Variants in CTSB observed in about 807,000 individuals in gnomAD.
The protein encoded by CTSB is APP secretase.
Under a neutral mutation model 44.3 loss-of-function variants are expected in CTSB, and 57 were observed. The observed-to-expected ratio is 1.29, with a 90% CI of 1.04 to 1.60. CTSB has a LOEUF of 1.60. CTSB is among the 40% of genes most tolerant of loss of function. The probability of loss-of-function intolerance (pLI) is 0.00; values close to 1 mark genes in which losing one functional copy is unlikely to be tolerated. For synonymous variants in CTSB, 320 were observed against 168.0 expected (o/e 1.91, Z -7.00); for missense variants, 768 against 443.0 (o/e 1.73, Z -6.59).
At chr8:11,848,025 A>G in intron 6 of CTSB, 42 bp downstream of exon 6, 3 of 1,509,100 alleles carry the variant, frequency 2.0e-6, no homozygotes, top group Non-Finnish European at 2.7e-6. Flanking sequence ...AATTGCTCAA[A>G]CAATCCATCT....
rs1343529820 is a variant in CTSB at position 11,844,988 on chromosome 8, G to A, written c.*137C>T. On this transcript the variant is annotated 3_prime_UTR_variant, in exon 10 of 10. Coordinates refer to ENST00000353047, the MANE Select transcript of CTSB (RefSeq NM_001908.5). ...GATGTAGCCAGGACTTGGTCTCCTTGGAAGACAGGTCTGATGTTTGGCCAA... is the reference window on the plus strand; with the variant it reads ...GATGTAGCCAGGACTTGGTCTCCTTAGAAGACAGGTCTGATGTTTGGCCAA... 1 of 651,360 alleles carries A rather than the reference G, an allele frequency of 1.5e-6. No individual in the cohort carries two copies. The highest frequency in any genetic ancestry group is 2.7e-6 in the Non-Finnish European group (1 of 367,296). The allele number at this position is 651,360 out of a possible 1,614,324, so 40.3% of individuals were successfully genotyped here. A position where few individuals can be genotyped will look rare whatever the true frequency, so the allele number is the denominator to read the frequency against.
chr8:11,848,920 G>C (rs554896119), intron 5 of CTSB, 126 bp downstream of exon 5: 9 of 657,800 alleles, frequency 1.4e-5, no homozygotes, highest in Non-Finnish European at 2.4e-5. Context: ...CCAGACTCTC[G>C]GAGTCTCCCC....
intron 1 of CTSB, among the ~76,000 whole-genome samples, chr8:11,855,697 AG>A (rs1815388861): frequency 1.3e-5 from 2 of 152,180 alleles, no homozygotes; most frequent in East Asian, 1.9e-4. Flanking sequence ...CCAGCATAAT[AG>A]AAAAACTACA....
rs983103996 is a variant in CTSB, at chr8:11,853,518, T to C, written c.-25-39A>G. On this transcript the variant is annotated intron_variant, in intron 1 of 9. Coordinates refer to ENST00000353047, the MANE Select transcript of CTSB (RefSeq NM_001908.5). ...AGGGCATCAGGACACCTCTCTGTTATGTGGGTCGAGGGCTCACACACACAG... is the reference window on the plus strand; with the variant it reads ...AGGGCATCAGGACACCTCTCTGTTACGTGGGTCGAGGGCTCACACACACAG... 14 of 1,570,902 alleles carry C rather than the reference T, an allele frequency of 8.9e-6. No homozygotes were observed. The African/African-American group carries it at 1.1e-4, about 12-fold the overall frequency.
chr8:11,846,330 T>C (rs1813332451), intron 8 of CTSB: 1 of 152,394 alleles, frequency 6.6e-6, no homozygotes, highest in Non-Finnish European at 1.5e-5. Context: ...AATGCATCTT[T>C]TAATAATAAG....
At chr8:11,850,657 C>T (rs979041181) in intron 4 of CTSB, 3 of 447,146 alleles carry the variant, frequency 6.7e-6, no homozygotes, top group African/African-American at 3.9e-5. Flanking sequence ...GACTTGCAAT[C>T]TGCTGGATGC....
At position 11,844,343 on chromosome 8, in the gene CTSB, G is replaced by C. The variant is rs1812825975; in HGVS notation, c.*782C>G. The stretch of plus-strand genomic sequence containing the variant: ...TTCAAGTTGGAGAAAACTTTTATTG[G>C]CACAGGCATTCCTTGTTAACTTGAC... On this transcript the variant is annotated 3_prime_UTR_variant, in exon 10 of 10. Coordinates refer to ENST00000353047, the MANE Select transcript of CTSB (RefSeq NM_001908.5). 1 of 152,158 alleles carries C rather than the reference G, an allele frequency of 6.6e-6. No homozygotes were observed. Among genetic ancestry groups the C allele is most frequent in the African/African-American group, 2.4e-5 (1 of 41,422 alleles). The allele number at this position is 152,158 out of a possible 1,614,324, so 9.4% of individuals were successfully genotyped here.
intron 1 of CTSB, among the ~76,000 whole-genome samples, chr8:11,865,852 C>CAAA (rs371697545): frequency 5.9e-5 from 5 of 84,242 alleles, no homozygotes; most frequent in Admixed American, 1.3e-4. Context: ...ACTAAAAATA[C>CAAA]AAAAAAAAAA....
intron 4 of CTSB, 66 bp downstream of exon 4, chr8:11,850,800 C>T (rs555155862): frequency 1.7e-6 from 2 of 1,199,340 alleles, no homozygotes; most frequent in African/African-American, 1.5e-5. Flanking sequence ...CCCGAATCCC[C>T]CAAGACTCTC....
In CTSB at chr8:11,844,776, C is replaced by A. The variant is rs565075831; in HGVS notation, c.*349G>T. The A allele has an allele frequency of 5.1e-5, 11 of 216,624 alleles. No individual in the cohort carries two copies. In the East Asian group the frequency reaches 1.0e-3, roughly 20 times the overall value. 13.4% of individuals were successfully genotyped at this position (216,624 alleles called of 1,614,324 possible). A position where few individuals can be genotyped will look rare whatever the true frequency, so the allele number is the denominator to read the frequency against. On this transcript the variant is annotated 3_prime_UTR_variant, in exon 10 of 10. Transcript: ENST00000353047. Reference sequence around the variant, plus strand: ...GGGAACTGATGGGGGAACTTTCATCCTGTTAGGAACTCCGCTTTCCATTCC... The same window carrying A: ...GGGAACTGATGGGGGAACTTTCATCATGTTAGGAACTCCGCTTTCCATTCC...
Position 11,849,142 on chromosome 8 carries a change from A to T in CTSB, c.350T>A (p.Ile117Asn). Reference sequence around the variant, plus strand: ...GGTGTGGATGCAGATCCGGTCAGAGATGGCTTCCACAGCCCCGAAGGCCTG... The same window carrying T: ...GGTGTGGATGCAGATCCGGTCAGAGTTGGCTTCCACAGCCCCGAAGGCCTG... ...SCWAFGAVEA[I>N]SDRICIHTNA... The change falls in exon 5 of 10, where the codon ATC becomes AAC. Residue 117 changes from isoleucine to asparagine, a missense_variant. Coordinates refer to ENST00000353047, the MANE Select transcript of CTSB (RefSeq NM_001908.5). 4 of 1,612,830 alleles carry T rather than the reference A, an allele frequency of 2.5e-6. No homozygotes were observed. Among genetic ancestry groups the T allele is most frequent in the Non-Finnish European group, 3.4e-6 (4 of 1,179,750 alleles).
intron 8 of CTSB, among the ~76,000 whole-genome samples, chr8:11,846,648 C>T (rs988681008): frequency 6.6e-6 from 1 of 152,206 alleles, no homozygotes; most frequent in Admixed American, 6.5e-5. Flanking sequence ...GAAAATGTGT[C>T]AGCCAGTGCA....
intron 8 of CTSB, chr8:11,846,068 T>A (rs1393096237): frequency 7.6e-6 from 2 of 264,048 alleles, no homozygotes; most frequent in Non-Finnish European, 1.4e-5. Flanking sequence ...ACATTCTAAT[T>A]GATAAAACAT....
intron 4 of CTSB, 38 bp from the exon 5 acceptor site, chr8:11,849,202 C>A (rs754014623): frequency 1.2e-4 from 189 of 1,562,488 alleles, no homozygotes; most frequent in Middle Eastern, 4.3e-4. Context: ...GCTGCCATGT[C>A]CGGGCTGGGC....
At chr8:11,851,690 G>T (rs541021831) in intron 3 of CTSB, among the ~76,000 whole-genome samples, 4 of 151,954 alleles carry the variant, frequency 2.6e-5, no homozygotes. Context: ...AGGCAGTGTC[G>T]TGCAACTTAA....
In CTSB at chr8:11,865,248, T is replaced by C. The variant is rs141699757; in HGVS notation, c.-26+2753A>G. Among the ~76,000 whole-genome samples the C allele has an allele frequency of 2.5e-3, 375 of 152,176 alleles. 2 individuals carry two copies. Among genetic ancestry groups the C allele is most frequent in the African/African-American group, 8.5e-3 (351 of 41,534 alleles). On this transcript the variant is annotated intron_variant, in intron 1 of 9. Coordinates refer to ENST00000353047, the MANE Select transcript of CTSB (RefSeq NM_001908.5). The stretch of plus-strand genomic sequence containing the variant: ...CAATAATTTCCTTAGGCCAGACCAT[T>C]GAAAAGAGGCAGCAGACTGGGCGCA...
intron 9 of CTSB, among the ~76,000 whole-genome samples, 159 bp from the exon 10 acceptor site, chr8:11,845,381 C>G (rs1482195609): frequency 6.6e-6 from 1 of 152,222 alleles, no homozygotes; most frequent in African/African-American, 2.4e-5. Context: ...AGCCGTGGGG[C>G]ACACCTCCAC....
At chr8:11,850,798 C>T (rs1814445068) in intron 4 of CTSB, 68 bp downstream of exon 4, 10 of 1,161,590 alleles carry the variant, frequency 8.6e-6, no homozygotes, top group Non-Finnish European at 1.3e-5. Context: ...ACCCCGAATC[C>T]CCCAAGACTC....
chr8:11,854,454 AAT>A (rs1207268537), intron 1 of CTSB, among the ~76,000 whole-genome samples: 1 of 152,112 alleles, frequency 6.6e-6, no homozygotes, highest in African/African-American at 2.4e-5. Context: ...TAGGAGAATA[AAT>A]ATATGAGGAC....
Sources: allele counts gnomAD v4.1 joint callset (sites outside exome capture counted in the v4.1 genomes callset), GRCh38; gene constraint gnomAD v4.1.1; transcripts MANE v1.5; gene names NCBI Gene and HGNC (gene_info 2026-07-23, HGNC 2026-07-21).